PLCG2: variants seen among roughly 807,000 people sequenced by gnomAD.
PLCG2 encodes 1-phosphatidylinositol 4,5-bisphosphate phosphodiesterase gamma-2.
In PLCG2, 69 loss-of-function variants were observed where a neutral mutation model predicts 175.6. The observed-to-expected ratio is 0.39, with a 90% confidence interval of 0.32 to 0.48. PLCG2 has a LOEUF of 0.48. PLCG2 is among the 20% of genes least tolerant of loss of function. The pLI is 0.91. For missense variants in PLCG2, 1,798 were observed against 1,650.9 expected, an observed-to-expected ratio of 1.09 and a Z score of -1.54; for synonymous variants, 827 against 624.0, an observed-to-expected ratio of 1.33 and a Z score of -4.85.
chr16:81,753,039 T>C (rs1026764852), intron 1 of PLCG2, among the ~76,000 whole-genome samples: 1 of 152,240 alleles, frequency 6.6e-6, no homozygotes, highest in Non-Finnish European at 1.5e-5. Flanking sequence ...TATGAGCTAC[T>C]ATTAGCTAGT....
chr16:81,802,263 C>T (rs552868138), intron 2 of PLCG2, among the ~76,000 whole-genome samples: 1 of 151,776 alleles, frequency 6.6e-6, no homozygotes, highest in South Asian at 2.1e-4. Context: ...CAGGCGCCCG[C>T]CACCGCGCCC....
At chr16:81,790,895 G>A (rs9930295) in intron 2 of PLCG2, among the ~76,000 whole-genome samples, 143,436 of 152,116 alleles carry the variant, frequency 0.94, 68,188 homozygotes, top group East Asian at 1. Context: ...TAAATGTTCT[G>A]TAGTGCACAG....
At position 81,857,203 on chromosome 16, in the gene PLCG2, T is replaced by G. The variant is rs150415193; in HGVS notation, c.338-1060T>G. 7.6e-4 allele frequency among the ~76,000 whole-genome samples: 115 copies of G among 152,316 alleles called. 1 individual carries two copies. In the Middle Eastern group the frequency reaches 0.024, roughly 32 times the overall value. On this transcript the variant is annotated intron_variant, in intron 3 of 32. Coordinates refer to ENST00000564138, the MANE Select transcript of PLCG2 (RefSeq NM_002661.5). ...CCTGTTGATGTCTCCGTCATCCCTCTCTTCTGGTTTAATTACTTTAGGGTG... is the reference window on the plus strand; with the variant it reads ...CCTGTTGATGTCTCCGTCATCCCTCGCTTCTGGTTTAATTACTTTAGGGTG...
chr16:81,846,905 C>A (rs187908676), intron 2 of PLCG2, among the ~76,000 whole-genome samples: 3 of 152,144 alleles, frequency 2.0e-5, no homozygotes, highest in Non-Finnish European at 4.4e-5. Flanking sequence ...GTTTTCCCCC[C>A]ACGCATCAAG....
At position 81,749,490 on chromosome 16, in the gene PLCG2, T is replaced by C. The variant is rs187428737; in HGVS notation, c.-144-6380T>C. On this transcript the variant is annotated intron_variant, in intron 1 of 5. Transcript: ENST00000565054. ...GCCTCAGCCTCCTGAGTAGCTGGGA[T>C]TACAGGCGCCTGCCACCAAGCCCAG... is the stretch of plus-strand genomic sequence containing the variant. Among the ~76,000 whole-genome samples, 10 of 152,224 alleles carry C rather than the reference T, an allele frequency of 6.6e-5. No individual in the cohort carries two copies. The East Asian group carries it at 1.9e-3, about 29-fold the overall frequency.
Position 81,859,341 on chromosome 16 carries a change from A to G in PLCG2, c.479+178A>G, listed in dbSNP as rs533048775. ...GAGGATGACAAAATCCTCCTCCTGG[A>G]GGGAGCCTCTATTCCGCAGAAAATT... On this transcript the variant is annotated intron_variant, in intron 5 of 32. Coordinates refer to ENST00000564138, the MANE Select transcript of PLCG2 (RefSeq NM_002661.5). The G allele has an allele frequency of 1.2e-5, 7 of 561,028 alleles. No homozygotes were observed. The South Asian group carries it at 1.6e-4, about 13-fold the overall frequency. The allele number at this position is 561,028 out of a possible 1,614,324, so 34.8% of individuals were successfully genotyped here.
chr16:81,751,638 A>G (rs1909814261), intron 1 of PLCG2, among the ~76,000 whole-genome samples: 1 of 152,238 alleles, frequency 6.6e-6, no homozygotes, highest in Admixed American at 6.5e-5. Flanking sequence ...ATCACAAAAA[A>G]GTTAAGTGTT....
intron 3 of PLCG2, among the ~76,000 whole-genome samples, chr16:81,855,718 C>T (rs996760166): frequency 6.6e-6 from 1 of 152,114 alleles, no homozygotes; most frequent in African/African-American, 2.4e-5. Flanking sequence ...GGAAGCTTGG[C>T]AGAGAAGGTG....
chr16:81,758,831 C>T (rs1325523019), intron 2 of PLCG2, among the ~76,000 whole-genome samples: 1 of 152,150 alleles, frequency 6.6e-6, no homozygotes, highest in Non-Finnish European at 1.5e-5. Context: ...GTGCACACCA[C>T]CATGCCCAGC....
chr16:81,839,571 C>G (rs947423884), intron 2 of PLCG2, among the ~76,000 whole-genome samples: 1 of 152,084 alleles, frequency 6.6e-6, no homozygotes, highest in African/African-American at 2.4e-5. Flanking sequence ...AATATTGATT[C>G]ACTATTTTTA....
rs773286721 is a variant in PLCG2, at chr16:81,895,910, C to T, written c.1176C>T (p.His392=). The T allele has an allele frequency of 1.2e-5, 20 of 1,613,964 alleles. No homozygotes were observed. The highest frequency in any genetic ancestry group is 4.4e-5 in the South Asian group (4 of 91,074). The change falls in exon 13 of 33, where the codon CAC becomes CAT. Residue 392 remains histidine, a synonymous_variant. Coordinates refer to ENST00000564138, the MANE Select transcript of PLCG2 (RefSeq NM_002661.5). ...FDDVVQAIKD[H]AFVTSSFPVI... ...ACGTCGTGCAGGCCATCAAAGACCA[C>T]GCCTTTGTTACCTCGAGGTCAGTTG...
intron 7 of PLCG2, among the ~76,000 whole-genome samples, chr16:81,871,469 G>C (rs1907511499): frequency 6.6e-6 from 1 of 152,120 alleles, no homozygotes; most frequent in African/African-American, 2.4e-5. Flanking sequence ...CTCCCCAGTA[G>C]CTGGGATTGC....
In PLCG2 at chr16:81,939,368, C is replaced by T. The variant is rs75935378; in HGVS notation, c.3313+453C>T. On this transcript the variant is annotated intron_variant, in intron 29 of 32. Transcript: ENST00000564138. ...CTTCCAGGAAAAGCCAGGAGGGAAC[C>T]GTGATTGGTGGGCCTTCTAAAGCAC... 5.2e-3 allele frequency among the ~76,000 whole-genome samples: 785 copies of T among 152,264 alleles called. 4 individuals are homozygous for T. Among genetic ancestry groups the T allele is most frequent in the Middle Eastern group, 0.014 (4 of 294 alleles).
At chr16:81,759,656 A>G (rs1351660377) in intron 2 of PLCG2, among the ~76,000 whole-genome samples, 1 of 152,156 alleles carries the variant, frequency 6.6e-6, no homozygotes, top group Non-Finnish European at 1.5e-5. Context: ...AACTCCTCCT[A>G]GGGACCGCTA....
chr16:81,849,795 A>G (rs796230648), intron 2 of PLCG2, among the ~76,000 whole-genome samples: 1 of 147,488 alleles, frequency 6.8e-6, no homozygotes, highest in Non-Finnish European at 1.5e-5. Context: ...AAAAAAAAAA[A>G]AACCAAAAAA....
At chr16:81,945,093 G>C (rs1454745989) in intron 30 of PLCG2, among the ~76,000 whole-genome samples, 1 of 152,224 alleles carries the variant, frequency 6.6e-6, no homozygotes, top group African/African-American at 2.4e-5. Flanking sequence ...AGAAATTGGG[G>C]AGAGAAAAGG....
chr16:81,793,879 A>G (rs543485239), intron 2 of PLCG2, among the ~76,000 whole-genome samples: 3 of 152,164 alleles, frequency 2.0e-5, no homozygotes, highest in Non-Finnish European at 2.9e-5. Flanking sequence ...CAGAGCTACA[A>G]TTTGAACTTG....
intron 19 of PLCG2, 47 bp from the exon 20 acceptor site, chr16:81,919,437 G>A (rs765537866): frequency 2.6e-6 from 4 of 1,512,004 alleles, no homozygotes; most frequent in African/African-American, 2.7e-5. Context: ...AAAATTGTTT[G>A]GCCACCAGGA....
chr16:81,871,675 A>AT (rs1447754877), intron 7 of PLCG2, among the ~76,000 whole-genome samples: 1 of 152,044 alleles, frequency 6.6e-6, no homozygotes, highest in Non-Finnish European at 1.5e-5. Context: ...ATGAGGGCAT[A>AT]TTTTTTGATT....
Sources: gnomAD v4.1 joint callset for allele counts (sites outside exome capture counted in the v4.1 genomes callset) on GRCh38, gnomAD v4.1.1 for gene constraint, MANE v1.5 for transcripts, NCBI Gene and HGNC (gene_info 2026-07-23, HGNC 2026-07-21) for gene names.